Variants in TTC6 observed in about 807,000 individuals in gnomAD.
TTC6 encodes the protein tetratricopeptide repeat domain 6.
Under a neutral mutation model 210.4 loss-of-function variants are expected in TTC6, and 172 were observed. That is an observed-to-expected ratio of 0.82 (90% CI 0.72 to 0.93). The LOEUF (loss-of-function observed/expected upper bound fraction) is 0.93, where lower values mean the gene tolerates loss of function less well. Among genes scored for constraint, TTC6 ranks in the 40% least tolerant of loss-of-function variants. The pLI, the probability that TTC6 is intolerant of heterozygous loss-of-function variation, is 0.00. For synonymous variants in TTC6, 804 were observed against 819.6 expected (o/e 0.98, Z 0.32); for missense variants, 2,414 against 2,318.1 (o/e 1.04, Z -0.85).
chr14:37,597,592 T>A (rs1223124767), intron 1 of TTC6, among the ~76,000 whole-genome samples: 1 of 151,742 alleles, frequency 6.6e-6, no homozygotes, highest in African/African-American at 2.4e-5. Context: ...TTTCATAGCG[T>A]GATGGCCGAA....
intron 26 of TTC6, among the ~76,000 whole-genome samples, chr14:37,819,003 G>A (rs1453426708): frequency 6.6e-6 from 1 of 152,118 alleles, no homozygotes; most frequent in African/African-American, 2.4e-5. Flanking sequence ...CTGTATGTCA[G>A]TTCACAATCT....
At chr14:37,738,172 A>G (rs2095907114) in intron 9 of TTC6, among the ~76,000 whole-genome samples, 1 of 150,148 alleles carries the variant, frequency 6.7e-6, no homozygotes, top group African/African-American at 2.4e-5. Flanking sequence ...TATTAAAATT[A>G]TATAATTATT....
chr14:37,743,477 G>A (rs1394098560), intron 10 of TTC6, among the ~76,000 whole-genome samples: 1 of 152,088 alleles, frequency 6.6e-6, no homozygotes, highest in Non-Finnish European at 1.5e-5. Flanking sequence ...TAAAAACTTA[G>A]AAAATACAGC....
intron 6 of TTC6, among the ~76,000 whole-genome samples, chr14:37,723,853 A>G (rs2095866509): frequency 6.6e-6 from 1 of 152,154 alleles, no homozygotes; most frequent in Non-Finnish European, 1.5e-5. Context: ...ATTTTAAAAA[A>G]TTCATATTAA....
At chr14:37,645,711 T>G (rs2095700418) in intron 1 of TTC6, among the ~76,000 whole-genome samples, 3 of 152,156 alleles carry the variant, frequency 2.0e-5, no homozygotes, top group Non-Finnish European at 2.9e-5. Context: ...AGAAATGTTC[T>G]GTGATGTTTG....
intron 8 of TTC6, among the ~76,000 whole-genome samples, chr14:37,736,640 G>A (rs1566920689): frequency 1.3e-5 from 2 of 152,230 alleles, no homozygotes; most frequent in East Asian, 1.9e-4. Context: ...TGCTTTAAAC[G>A]GTGATCAGAT....
intron 14 of TTC6, among the ~76,000 whole-genome samples, chr14:37,768,671 A>G (rs1272607745): frequency 6.6e-6 from 1 of 151,514 alleles, no homozygotes; most frequent in African/African-American, 2.4e-5. Flanking sequence ...GACTTTGCTG[A>G]AGTTGCTTAT....
rs7157544 is a variant in TTC6, at chr14:37,838,786, C to A, written c.5299-2659C>A. Among the ~76,000 whole-genome samples the A allele has an allele frequency of 1.2e-4, 18 of 152,106 alleles. No individual in the cohort carries two copies. The South Asian group carries it at 1.7e-3, about 14-fold the overall frequency. On this transcript the variant is annotated intron_variant, in intron 29 of 30. Coordinates refer to ENST00000553443, the Ensembl canonical transcript of TTC6. ...CATGTGGGTTTGCTACACCCATCGA[C>A]GCATCATTTACATATCCCTCCCCCA... is the stretch of plus-strand genomic sequence containing the variant.
At chr14:37,755,262 T>C (rs2095964095) in intron 14 of TTC6, among the ~76,000 whole-genome samples, 1 of 152,232 alleles carries the variant, frequency 6.6e-6, no homozygotes, top group African/African-American at 2.4e-5. Flanking sequence ...AAGTTCCTTG[T>C]AGATTCTGGA....
At chr14:37,615,208 CTT>C (rs1009304038) in intron 2 of TTC6, among the ~76,000 whole-genome samples, 2 of 152,132 alleles carry the variant, frequency 1.3e-5, no homozygotes, top group Admixed American at 1.3e-4. Context: ...TTGTCTTTGT[CTT>C]TGTTTTTCAT....
exon 1 of TTC6, chr14:37,622,617 C>G (rs978290429): frequency 1.2e-5 from 19 of 1,534,660 alleles, no homozygotes; most frequent in Non-Finnish European, 1.5e-5. Context: ...GGGAAGGGAG[C>G]GCGAACAGAG....
intron 14 of TTC6, among the ~76,000 whole-genome samples, chr14:37,786,249 C>G (rs1354582375): frequency 6.6e-6 from 1 of 152,186 alleles, no homozygotes; most frequent in African/African-American, 2.4e-5. Flanking sequence ...GCAGGCAGGC[C>G]TCCTTGAGCT....
At chr14:37,705,345 A>G (rs2095833387) in intron 5 of TTC6, among the ~76,000 whole-genome samples, 9 of 152,172 alleles carry the variant, frequency 5.9e-5, no homozygotes, top group Admixed American at 5.9e-4. Context: ...TTTTTTTACA[A>G]AAAACAATAA....
At chr14:37,769,788 G>T (rs2096012043) in intron 14 of TTC6, among the ~76,000 whole-genome samples, 1 of 151,784 alleles carries the variant, frequency 6.6e-6, no homozygotes, top group South Asian at 2.1e-4. Flanking sequence ...ATGGTTTTTT[G>T]TGTCTCTATT....
intron 5 of TTC6, among the ~76,000 whole-genome samples, chr14:37,702,216 G>A (rs116449260): frequency 5.7e-4 from 87 of 152,230 alleles, no homozygotes; most frequent in African/African-American, 2.0e-3. Context: ...TTTAGGGTTC[G>A]TGATACCAGG....
chr14:37,738,775 G>C lies in TTC6; in HGVS notation c.1984-1G>C. 6.8e-7 allele frequency: 1 copy of C among 1,464,794 alleles called. No homozygotes were observed. Among genetic ancestry groups the C allele is most frequent in the Non-Finnish European group, 9.0e-7 (1 of 1,115,438 alleles). The allele number at this position is 1,464,794 out of a possible 1,614,324, so 90.7% of individuals were successfully genotyped here. A position where few individuals can be genotyped will look rare whatever the true frequency, so the allele number is the denominator to read the frequency against. On this transcript the variant is annotated splice_acceptor_variant, in intron 9 of 30. Coordinates refer to ENST00000553443, the Ensembl canonical transcript of TTC6. LOFTEE classifies it high-confidence loss of function. ...TTCTACCTCTTTGCTTGCTTACTAA[G>C]CGAGTAAAATCTTCTGTAGACTTGA...
chr14:37,720,085 A>T (rs2095858940), intron 6 of TTC6, among the ~76,000 whole-genome samples: 1 of 152,230 alleles, frequency 6.6e-6, no homozygotes, highest in African/African-American at 2.4e-5. Context: ...AAGCATATGA[A>T]AAGATGCGCA....
rs944860923 is a variant in TTC6, at chr14:37,603,497, G to C, written c.-234-3166G>C. 3.9e-5 allele frequency among the ~76,000 whole-genome samples: 6 copies of C among 152,202 alleles called. No individual in the cohort carries two copies. The South Asian group carries it at 1.2e-3, about 31-fold the overall frequency. On this transcript the variant is annotated intron_variant, in intron 1 of 2. Transcript: ENST00000556845. ...AAGGGAGGAAGACTCTGGGATAATT[G>C]GCACCGCAAAAATTTCCTTCCTTTT... is the stretch of plus-strand genomic sequence containing the variant.
chr14:37,771,302 G>A (rs993714529), intron 14 of TTC6, among the ~76,000 whole-genome samples: 2 of 151,864 alleles, frequency 1.3e-5, no homozygotes, highest in African/African-American at 4.8e-5. Context: ...TCTTCTCAAG[G>A]AGTATCTTTG....
Sources: gnomAD v4.1 joint callset for allele counts (sites outside exome capture counted in the v4.1 genomes callset) on GRCh38, gnomAD v4.1.1 for gene constraint, MANE v1.5 for transcripts, NCBI Gene and HGNC (gene_info 2026-07-23, HGNC 2026-07-21) for gene names.